The following FANCD2 variants were observed in gnomAD, a reference collection of about 807,000 sequenced individuals.
The protein encoded by FANCD2 is FA complementation group D2.
In FANCD2, 131 loss-of-function variants were observed where a neutral mutation model predicts 192.3. The ratio of observed to expected loss-of-function variants is 0.68; its 90% CI spans 0.59 to 0.79. The LOEUF is 0.79. FANCD2 is among the 30% of genes least tolerant of loss of function. The pLI is 0.00. For synonymous variants in FANCD2, 524 were observed against 612.5 expected (o/e 0.86, Z 2.13); for missense variants, 1,508 against 1,701.6 (o/e 0.89, Z 2.00).
In FANCD2 at chr3:10,039,810, G is replaced by A. The variant is rs369935595; in HGVS notation, c.660G>A (p.Gly220=). The stretch of plus-strand genomic sequence containing the variant: ...TCACCAGCCTACCTGAGATCCTAGG[G>A]GATTCCCAGCACGCTGATGTGGGGA... ...DIITSLPEIL[G]DSQHADVGKE... is the part of the protein sequence containing the mutation. The change falls in exon 9 of 44, where the codon GGG becomes GGA. Residue 220 remains glycine, a synonymous_variant. Coordinates refer to ENST00000675286, the MANE Select transcript of FANCD2 (RefSeq NM_001018115.3). 5 of 1,613,848 alleles carry A rather than the reference G, an allele frequency of 3.1e-6. No homozygotes were observed. The highest frequency in any genetic ancestry group is 4.2e-6 in the Non-Finnish European group (5 of 1,179,982).
At chr3:10,060,479 T>A in intron 19 of FANCD2, 76 bp downstream of exon 19, 1 of 1,088,868 alleles carries the variant, frequency 9.2e-7, no homozygotes, top group Non-Finnish European at 1.4e-6. Flanking sequence ...CTCATAGACA[T>A]CATTTTAGCA....
At chr3:10,040,347 C>G (rs1005570327) in intron 9 of FANCD2, 21 of 375,750 alleles carry the variant, frequency 5.6e-5, no homozygotes, top group African/African-American at 4.5e-4. Flanking sequence ...CATGTACTTT[C>G]TTTTAAATGG....
At chr3:10,061,836 T>C (rs559914149) in intron 19 of FANCD2, among the ~76,000 whole-genome samples, 2 of 152,262 alleles carry the variant, frequency 1.3e-5, no homozygotes, top group Middle Eastern at 3.4e-3. Context: ...TGGCAGTTGT[T>C]ACAAAATATT....
intron 29 of FANCD2, among the ~76,000 whole-genome samples, chr3:10,076,590 T>G (rs1000862892): frequency 7.2e-5 from 11 of 152,170 alleles, no homozygotes; most frequent in Non-Finnish European, 1.5e-4. Flanking sequence ...TCACCCAGGC[T>G]GAAGTGCAGT....
chr3:10,037,896 A>G (rs919787752), intron 7 of FANCD2, among the ~76,000 whole-genome samples: 1 of 152,230 alleles, frequency 6.6e-6, no homozygotes, highest in Non-Finnish European at 1.5e-5. Context: ...ACATATGTAT[A>G]TTAATAGTGT....
intron 17 of FANCD2, among the ~76,000 whole-genome samples, chr3:10,050,554 C>T (rs200167): frequency 5.1e-5 from 7 of 137,402 alleles, no homozygotes; most frequent in Middle Eastern, 4.1e-3. Flanking sequence ...ACCCAGGAGG[C>T]GGAGCTTGCA....
intron 2 of FANCD2, among the ~76,000 whole-genome samples, chr3:10,029,481 G>A (rs985377797): frequency 3.9e-5 from 6 of 152,132 alleles, no homozygotes; most frequent in Admixed American, 3.9e-4. Context: ...CAGCCTAGGC[G>A]ACAGAGCAAG....
chr3:10,091,202 T>C (rs1269747100), intron 37 of FANCD2, among the ~76,000 whole-genome samples: 9 of 147,416 alleles, frequency 6.1e-5, no homozygotes, highest in Middle Eastern at 3.5e-3. Flanking sequence ...CACGTCAGCC[T>C]CCCAAATAGC....
Position 10,081,439 on chromosome 3 carries a change from CA to C in FANCD2, c.3200del (p.Gln1067ArgfsTer32), listed in dbSNP as rs1693828328. On this transcript the variant is annotated frameshift_variant, in exon 32 of 44. Coordinates refer to ENST00000675286, the MANE Select transcript of FANCD2 (RefSeq NM_001018115.3). LOFTEE classifies it high-confidence loss of function. ...IMSSCYQRLL[Q>X]IFHGLFAWSG... ...GTCTTCCTGCTATCAGAGGCTGCTGCAGATTTTTCATGGGCTTTTTGCTTGG... is the reference window on the plus strand; with the variant it reads ...GTCTTCCTGCTATCAGAGGCTGCTGCGATTTTTCATGGGCTTTTTGCTTGG... 6.2e-7 allele frequency: 1 copy of C among 1,613,404 alleles called. No individual in the cohort carries two copies. The highest frequency in any genetic ancestry group is 1.3e-5 in the African/African-American group (1 of 74,910).
At chr3:10,029,035 C>G (rs1425913647) in intron 2 of FANCD2, among the ~76,000 whole-genome samples, 2 of 152,190 alleles carry the variant, frequency 1.3e-5, no homozygotes, top group Non-Finnish European at 2.9e-5. Flanking sequence ...CCTTAAAAAA[C>G]TTTATGGTCT....
intron 30 of FANCD2, among the ~76,000 whole-genome samples, chr3:10,079,737 A>C (rs1559398683): frequency 6.6e-6 from 1 of 152,202 alleles, no homozygotes; most frequent in Non-Finnish European, 1.5e-5. Context: ...GTGTAGTAGT[A>C]AGCTGTCTAG....
chr3:10,043,770 G>T lies in FANCD2; in HGVS notation c.1099-59G>T, dbSNP rs551316635. The T allele has an allele frequency of 3.4e-6, 5 of 1,464,730 alleles. No individual in the cohort carries two copies. In the South Asian group the frequency reaches 5.7e-5, roughly 17 times the overall value. 90.7% of individuals were successfully genotyped at this position (1,464,730 alleles called of 1,614,324 possible). On this transcript the variant is annotated intron_variant, in intron 13 of 43. Transcript: ENST00000675286. The stretch of plus-strand genomic sequence containing the variant: ...GAGATAACAGGGCATGCTGAATAAG[G>T]TGTAACGTGTTTCGCTGATGTGTCA...
At chr3:10,030,380 A>G (rs2086563120) in intron 2 of FANCD2, among the ~76,000 whole-genome samples, 1 of 151,946 alleles carries the variant, frequency 6.6e-6, no homozygotes, top group African/African-American at 2.4e-5. Flanking sequence ...ATCGGACGTG[A>G]GCCACCATGC....
intron 30 of FANCD2, 44 bp from the exon 31 acceptor site, chr3:10,081,056 G>A (rs752053879): frequency 1.2e-5 from 20 of 1,612,502 alleles, no homozygotes; most frequent in Admixed American, 1.0e-4. Flanking sequence ...TTTCTGAGAC[G>A]CTATCCAGCA....
At chr3:10,040,527 G>C in intron 9 of FANCD2, 1 of 456,582 alleles carries the variant, frequency 2.2e-6, no homozygotes, top group Non-Finnish European at 4.4e-6. Context: ...TACCTTCTTT[G>C]GGTTCCTAGG....
At chr3:10,068,381 A>G (rs998576486) in intron 26 of FANCD2, among the ~76,000 whole-genome samples, 3 of 152,180 alleles carry the variant, frequency 2.0e-5, no homozygotes, top group African/African-American at 7.2e-5. Context: ...TCCATTTACA[A>G]TAGCTACAAA....
At position 10,081,481 on chromosome 3, in the gene FANCD2, T is replaced by C; in HGVS notation, c.3224+17T>C. 1.3e-6 allele frequency: 2 copies of C among 1,527,424 alleles called. No homozygotes were observed. Among genetic ancestry groups the C allele is most frequent in the African/African-American group, 2.7e-5 (2 of 73,352 alleles). The allele number at this position is 1,527,424 out of a possible 1,614,324, so 94.6% of individuals were successfully genotyped here. On this transcript the variant is annotated intron_variant, in intron 32 of 43. Transcript: ENST00000675286. Reference sequence around the variant, plus strand: ...TTTTGCTTGGTAAGTATGTGGGAAGTGTGGAGAGAACTGAGTATATACTTG... The same window carrying C: ...TTTTGCTTGGTAAGTATGTGGGAAGCGTGGAGAGAACTGAGTATATACTTG...
chr3:10,043,784 G>A (rs376471978), intron 13 of FANCD2, 45 bp from the exon 14 acceptor site: 41 of 1,583,048 alleles, frequency 2.6e-5, no homozygotes, highest in South Asian at 2.3e-4. Flanking sequence ...AACGTGTTTC[G>A]CTGATGTGTC....
intron 28 of FANCD2, among the ~76,000 whole-genome samples, chr3:10,074,096 C>A (rs1693399203): frequency 1.3e-5 from 2 of 152,272 alleles, no homozygotes; most frequent in South Asian, 4.1e-4. Flanking sequence ...CAGGTATGCA[C>A]CACCATAGCC....
Sources: allele counts gnomAD v4.1 joint callset (sites outside exome capture counted in the v4.1 genomes callset), GRCh38; gene constraint gnomAD v4.1.1; transcripts MANE v1.5; gene names NCBI Gene and HGNC (gene_info 2026-07-23, HGNC 2026-07-21).